The following TBC1D22A variants were observed in gnomAD, a reference collection of about 807,000 sequenced individuals.
TBC1D22A encodes the protein TBC1 domain family member 22A, also known as putative GTPase activator.
TBC1D22A carries 38 observed loss-of-function variants against 60.2 expected under a neutral mutation model. The observed-to-expected ratio is 0.63, with a 90% CI of 0.49 to 0.83. The LOEUF (loss-of-function observed/expected upper bound fraction) is 0.83. TBC1D22A is among the 40% of genes least tolerant of loss of function. The pLI is 0.00. For synonymous variants in TBC1D22A, 302 were observed against 281.7 expected, an observed-to-expected ratio of 1.07 and a Z score of -0.72; for missense variants, 628 against 701.0, an observed-to-expected ratio of 0.90 and a Z score of 1.18.
intron 10 of TBC1D22A, among the ~76,000 whole-genome samples, chr22:47,032,822 A>C (rs2062525493): frequency 6.6e-6 from 1 of 152,214 alleles, no homozygotes; most frequent in Admixed American, 6.5e-5. Flanking sequence ...CCAGACGTCC[A>C]CGCAGAGCTG....
chr22:46,953,895 G>A (rs1359846693), intron 8 of TBC1D22A, among the ~76,000 whole-genome samples: 2 of 152,208 alleles, frequency 1.3e-5, no homozygotes, highest in East Asian at 3.8e-4. Context: ...AGGGAGGGAG[G>A]TGGCATTTTT....
chr22:46,778,254 AAC>A (rs1209443149), intron 1 of TBC1D22A, among the ~76,000 whole-genome samples: 1 of 151,972 alleles, frequency 6.6e-6, no homozygotes, highest in East Asian at 1.9e-4. Context: ...TAGATTCATA[AAC>A]ACACCTTCTT....
chr22:46,831,272 G>A (rs1214603462), intron 4 of TBC1D22A, among the ~76,000 whole-genome samples: 1 of 152,128 alleles, frequency 6.6e-6, no homozygotes, highest in Non-Finnish European at 1.5e-5. Context: ...AGGAGTCTCT[G>A]TAGAGTCTCC....
At chr22:46,833,126 G>C (rs1297107738) in intron 4 of TBC1D22A, among the ~76,000 whole-genome samples, 1 of 152,242 alleles carries the variant, frequency 6.6e-6, no homozygotes, top group Non-Finnish European at 1.5e-5. Flanking sequence ...TTTCAGGTTA[G>C]TGGGAAGATA....
Position 47,063,546 on chromosome 22 carries a change from C to T in TBC1D22A, c.1329+26348C>T, listed in dbSNP as rs573260401. ...ACCAGCCTCGTGCCTGCTGGGGGTC[C>T]GGGAATGTTTGGGGAGCACTGTGTT... On this transcript the variant is annotated intron_variant, in intron 11 of 12. Transcript: ENST00000337137. 3.3e-5 allele frequency among the ~76,000 whole-genome samples: 5 copies of T among 152,118 alleles called. No individual in the cohort carries two copies. The South Asian group carries it at 1.0e-3, about 32-fold the overall frequency.
intron 4 of TBC1D22A, among the ~76,000 whole-genome samples, chr22:46,855,764 GTCA>G (rs2087535911): frequency 6.6e-6 from 1 of 152,212 alleles, no homozygotes; most frequent in South Asian, 2.1e-4. Flanking sequence ...GTTCTTGACT[GTCA>G]CAGGGTCTTT....
intron 4 of TBC1D22A, among the ~76,000 whole-genome samples, chr22:46,869,432 A>G (rs1378822752): frequency 1.3e-5 from 2 of 152,090 alleles, no homozygotes. Context: ...CTTGGAGGCT[A>G]GTTCTGGGCC....
chr22:46,876,769 C>T (rs1409235361), intron 4 of TBC1D22A, among the ~76,000 whole-genome samples: 2 of 152,234 alleles, frequency 1.3e-5, no homozygotes, highest in African/African-American at 4.8e-5. Context: ...CTAGGCCCAC[C>T]TGTGGGTTCA....
At chr22:46,999,030 G>A (rs1390431998) in intron 10 of TBC1D22A, among the ~76,000 whole-genome samples, 1 of 152,202 alleles carries the variant, frequency 6.6e-6, no homozygotes, top group Admixed American at 6.5e-5. Flanking sequence ...AGTATGATTT[G>A]CAGTAGATGT....
intron 9 of TBC1D22A, 48 bp downstream of exon 9, chr22:46,974,447 G>T: frequency 6.7e-7 from 1 of 1,502,576 alleles, no homozygotes; most frequent in South Asian, 1.2e-5. Context: ...CAGCCCCTGC[G>T]GTGAAGAGAG....
At chr22:47,046,081 C>A (rs1333908221) in intron 11 of TBC1D22A, among the ~76,000 whole-genome samples, 1 of 152,170 alleles carries the variant, frequency 6.6e-6, no homozygotes, top group African/African-American at 2.4e-5. Flanking sequence ...TATGGACTCG[C>A]TGATGCTCCC....
At chr22:46,770,016 T>C (rs1050944159) in intron 1 of TBC1D22A, among the ~76,000 whole-genome samples, 5 of 152,118 alleles carry the variant, frequency 3.3e-5, no homozygotes, top group Non-Finnish European at 5.9e-5. Context: ...CCCTGACCCC[T>C]GTGAATATGT....
intron 11 of TBC1D22A, among the ~76,000 whole-genome samples, chr22:47,041,483 G>A (rs2062842539): frequency 6.6e-6 from 1 of 152,242 alleles, no homozygotes; most frequent in South Asian, 2.1e-4. Flanking sequence ...GTGAGAATCT[G>A]TGGCCAGGAC....
chr22:47,050,296 C>T (rs528654555), intron 11 of TBC1D22A, among the ~76,000 whole-genome samples: 26 of 152,336 alleles, frequency 1.7e-4, no homozygotes, highest in Non-Finnish European at 2.9e-5. Context: ...TGAGCCACCG[C>T]GCCTGGCCGA....
chr22:46,855,855 T>C (rs1459897696), intron 4 of TBC1D22A, among the ~76,000 whole-genome samples: 1 of 152,214 alleles, frequency 6.6e-6, no homozygotes, highest in Non-Finnish European at 1.5e-5. Context: ...GGGATTATGT[T>C]GCTTTGCCTT....
At chr22:46,985,211 C>T (rs1375334860) in intron 9 of TBC1D22A, among the ~76,000 whole-genome samples, 2 of 152,190 alleles carry the variant, frequency 1.3e-5, no homozygotes, top group Non-Finnish European at 2.9e-5. Flanking sequence ...TTGTATACGT[C>T]AAGAAGCAGA....
intron 4 of TBC1D22A, among the ~76,000 whole-genome samples, chr22:46,829,146 T>C (rs2086198458): frequency 1.3e-5 from 2 of 152,214 alleles, no homozygotes; most frequent in Non-Finnish European, 2.9e-5. Context: ...CACCTCCTCT[T>C]TGTGGCTCTT....
At chr22:46,885,010 G>A (rs1487759275) in intron 5 of TBC1D22A, among the ~76,000 whole-genome samples, 2 of 152,180 alleles carry the variant, frequency 1.3e-5, no homozygotes, top group Non-Finnish European at 2.9e-5. Context: ...AAGTGTTTTC[G>A]GGCTGGTGGT....
intron 12 of TBC1D22A, among the ~76,000 whole-genome samples, chr22:47,152,435 C>T (rs929415718): frequency 4.6e-5 from 7 of 152,106 alleles, no homozygotes; most frequent in Non-Finnish European, 7.4e-5. Context: ...GGCTGGCGGG[C>T]GTCGGTGGCT....
Sources: gnomAD v4.1 joint callset for allele counts (sites outside exome capture counted in the v4.1 genomes callset) on GRCh38, gnomAD v4.1.1 for gene constraint, MANE v1.5 for transcripts, NCBI Gene and HGNC (gene_info 2026-07-23, HGNC 2026-07-21) for gene names.